Variants in TENM1 observed in about 807,000 individuals in gnomAD.
The protein encoded by TENM1 is teneurin-1.
TENM1 carries 35 observed loss-of-function variants against 174.8 expected under a neutral mutation model. That is an observed-to-expected ratio of 0.20 (90% CI 0.15 to 0.27). The LOEUF (loss-of-function observed/expected upper bound fraction) is 0.27. Among genes scored for constraint, TENM1 ranks in the 10% least tolerant of loss-of-function variants. The probability of loss-of-function intolerance (pLI) is 1.00; values close to 1 mark genes in which losing one functional copy is unlikely to be tolerated. For synonymous variants in TENM1, 781 were observed against 798.7 expected, an observed-to-expected ratio of 0.98 and a Z score of 0.37; for missense variants, 1,633 against 2,130.1, an observed-to-expected ratio of 0.77 and a Z score of 4.59.
At chrX:124,470,016 G>A (rs761510697) in intron 22 of TENM1, among the ~76,000 whole-genome samples, 27 of 111,556 alleles carry the variant, frequency 2.4e-4, no homozygotes, top group Non-Finnish European at 3.6e-4. Flanking sequence ...GCTGCTGAGG[G>A]TATTGCAGAC....
At chrX:124,669,146 TTTAA>T (rs766106771) in intron 6 of TENM1, among the ~76,000 whole-genome samples, 17 of 112,243 alleles carry the variant, frequency 1.5e-4, no homozygotes, top group African/African-American at 4.5e-4. Context: ...ATATCAATTG[TTTAA>T]TTAACTCCTT....
chrX:124,939,421 C>T (rs981548341), intron 1 of TENM1, among the ~76,000 whole-genome samples: 7 of 111,381 alleles, frequency 6.3e-5, no homozygotes, highest in Admixed American at 9.6e-5. Context: ...TCTTATCAGT[C>T]GAACCTCCAA....
the TENM1 span, among the ~76,000 whole-genome samples, chrX:125,153,356 C>G: frequency 8.9e-6 from 1 of 111,812 alleles, no homozygotes; most frequent in South Asian, 3.7e-4. Context: ...AAATAATCAT[C>G]TGGATTAAAA....
At chrX:124,843,375 G>A (rs943764417) in intron 3 of TENM1, among the ~76,000 whole-genome samples, 1 of 111,442 alleles carries the variant, frequency 9.0e-6, no homozygotes, top group Non-Finnish European at 1.9e-5. Context: ...TGTTGTTACT[G>A]CTATTTGCAA....
intron 11 of TENM1, among the ~76,000 whole-genome samples, chrX:124,605,059 A>G (rs2050118954): frequency 9.4e-6 from 1 of 106,737 alleles, no homozygotes; most frequent in African/African-American, 3.4e-5. Flanking sequence ...TCTTCAAAAA[A>G]GCCCCAAGAA....
intron 3 of TENM1, among the ~76,000 whole-genome samples, chrX:124,781,542 A>G (rs1233970938): frequency 1.8e-5 from 2 of 111,801 alleles, no homozygotes; most frequent in Non-Finnish European, 3.8e-5. Flanking sequence ...AATTATTACC[A>G]GTCTAAGTAA....
In TENM1 at chrX:124,797,678, G is replaced by GTT. The variant is rs200300530; in HGVS notation, c.536-60483_536-60482dup. Among the ~76,000 whole-genome samples the GTT allele has an allele frequency of 1.0e-3, 106 of 101,257 alleles. 1 individual carries two copies. The highest frequency in any genetic ancestry group is 3.5e-3 in the African/African-American group (99 of 28,105). The allele number at this position is 101,257 out of a possible 115,157, so 87.9% of individuals were successfully genotyped here. ...TTACTTGATAAAGTTAGCCGTAAAG[G>GTT]TTTTTTTTTTTTTTAATTTTACTTT... On this transcript the variant is annotated intron_variant, in intron 3 of 31. Coordinates refer to ENST00000422452, the Ensembl canonical transcript of TENM1.
chrX:125,044,646 T>C, the TENM1 span, among the ~76,000 whole-genome samples: 4 of 110,864 alleles, frequency 3.6e-5, no homozygotes, highest in African/African-American at 1.3e-4. Context: ...CTGAGTATTA[T>C]CAATAACCAC....
rs752772414 is a variant in TENM1 at position 124,450,992 on chromosome X, ACT to A, written c.4104+2343_4104+2344del. 6.9e-4 allele frequency among the ~76,000 whole-genome samples: 77 copies of A among 111,297 alleles called. 2 individuals are homozygous for A. The East Asian group carries it at 0.02, about 28-fold the overall frequency. On this transcript the variant is annotated intron_variant, in intron 23 of 31. Coordinates refer to ENST00000422452, the Ensembl canonical transcript of TENM1. ...CTGTGATACACTAATCAATTTGAAA[ACT>A]CTCAACATCCACTTTAGTGTTTTTG... is the stretch of plus-strand genomic sequence containing the variant.
chrX:125,191,606 A>G, the TENM1 span, among the ~76,000 whole-genome samples: 239 of 112,117 alleles, frequency 2.1e-3, 1 homozygote, highest in African/African-American at 7.2e-3. Flanking sequence ...TGAAAATTAA[A>G]TGGGTTAATA....
chrX:124,757,868 T>G (rs925241209), intron 3 of TENM1, among the ~76,000 whole-genome samples: 1 of 112,205 alleles, frequency 8.9e-6, no homozygotes, highest in African/African-American at 3.2e-5. Flanking sequence ...TTGTATAACA[T>G]CTCCATTTGA....
intron 22 of TENM1, among the ~76,000 whole-genome samples, chrX:124,466,965 T>A (rs1042527308): frequency 9.0e-6 from 1 of 111,429 alleles, no homozygotes; most frequent in Non-Finnish European, 1.9e-5. Context: ...ATGGCTTCAA[T>A]TTCCTCGGGT....
chrX:124,486,892 A>G (rs996747386), intron 21 of TENM1, among the ~76,000 whole-genome samples: 4 of 112,082 alleles, frequency 3.6e-5, no homozygotes, highest in Non-Finnish European at 7.5e-5. Flanking sequence ...ATCTATTTGA[A>G]CTTACCAACT....
intron 26 of TENM1, among the ~76,000 whole-genome samples, chrX:124,406,010 T>C (rs1176263787): frequency 9.5e-6 from 1 of 105,443 alleles, no homozygotes; most frequent in Non-Finnish European, 1.9e-5. Context: ...CTCCATTTAT[T>C]TAATATAACC....
intron 3 of TENM1, among the ~76,000 whole-genome samples, chrX:124,784,539 C>A (rs1484364679): frequency 9.0e-6 from 1 of 111,210 alleles, no homozygotes; most frequent in East Asian, 2.8e-4. Flanking sequence ...GCCCACTATC[C>A]ACAGAGATAA....
the TENM1 span, among the ~76,000 whole-genome samples, chrX:125,167,639 A>C: frequency 1.8e-5 from 2 of 111,691 alleles, no homozygotes; most frequent in Non-Finnish European, 3.8e-5. Context: ...CATGTTTTTC[A>C]GTATCCTGCT....
At chrX:125,065,992 T>C in the TENM1 span, among the ~76,000 whole-genome samples, 1 of 112,203 alleles carries the variant, frequency 8.9e-6, no homozygotes, top group African/African-American at 3.2e-5. Context: ...ATGAAACAAA[T>C]AGAATGTGTT....
the TENM1 span, among the ~76,000 whole-genome samples, chrX:124,980,000 G>GT: frequency 8.9e-6 from 1 of 111,849 alleles, no homozygotes; most frequent in African/African-American, 3.2e-5. Context: ...TTGTAGTTAG[G>GT]TTAAAGAAAG....
In TENM1 at chrX:124,405,014, G is replaced by A; in HGVS notation, c.5391+17C>T. 1 of 1,186,957 alleles carries A rather than the reference G, an allele frequency of 8.4e-7. No homozygotes were observed. Among genetic ancestry groups the A allele is most frequent in the Non-Finnish European group, 1.1e-6 (1 of 873,196 alleles). On this transcript the variant is annotated intron_variant, in intron 27 of 31. Transcript: ENST00000422452. ...CACCTATAAAAGTTCTATATCTTGT[G>A]TAAAGTCAAGCCTTACCCTCAGCCT...
Sources: gnomAD v4.1 joint callset for allele counts (sites outside exome capture counted in the v4.1 genomes callset) on GRCh38, gnomAD v4.1.1 for gene constraint, MANE v1.5 for transcripts, NCBI Gene and HGNC (gene_info 2026-07-23, HGNC 2026-07-21) for gene names.